Variants in MTOR observed in about 807,000 individuals in gnomAD.
MTOR encodes the protein mechanistic target of rapamycin kinase, also known as serine/threonine-protein kinase mTOR.
A neutral mutation model predicts 319.8 loss-of-function variants in MTOR; 70 were observed. The observed-to-expected ratio is 0.22, with a 90% CI of 0.18 to 0.27. MTOR has a LOEUF of 0.27. Ranked by LOEUF, MTOR falls within the 10% of genes least tolerant of loss-of-function variation. The pLI is 1.00. For synonymous variants in MTOR, 1,183 were observed against 1,211.4 expected (o/e 0.98, Z 0.49); for missense variants, 1,890 against 3,274.4 (o/e 0.58, Z 10.32).
At chr1:11,210,537 T>C (rs977930042) in intron 24 of MTOR, among the ~76,000 whole-genome samples, 11 of 152,210 alleles carry the variant, frequency 7.2e-5, no homozygotes, top group Admixed American at 3.9e-4. Context: ...TTGCAACACA[T>C]GAAAATTGAG....
At chr1:11,124,730 T>A in intron 46 of MTOR, 97 bp from the exon 47 acceptor site, 1 of 1,321,336 alleles carries the variant, frequency 7.6e-7, no homozygotes, top group Non-Finnish European at 1.0e-6. Flanking sequence ...AGACTACATA[T>A]GCCTTACCTA....
intron 19 of MTOR, among the ~76,000 whole-genome samples, chr1:11,217,498 T>C (rs1042386774): frequency 1.3e-5 from 2 of 151,712 alleles, no homozygotes; most frequent in African/African-American, 2.4e-5. Flanking sequence ...CCTCCCGGGT[T>C]CAAGCCATTC....
rs12141233 is a variant in MTOR, at chr1:11,133,344, A to C, written c.5247-147T>G. ...ATGTGAAGGAGCTAGCAAAATTTTC[A>C]GCCACACGCAAGAAAGGAGATGGGC... On this transcript the variant is annotated intron_variant, in intron 37 of 57. Coordinates refer to ENST00000361445, the MANE Select transcript of MTOR (RefSeq NM_004958.4). This position sits in a 1 kb window ranked among gnomAD's most constrained non-coding sequence, Gnocchi z 4.0. 31,478 of 670,416 alleles carry C rather than the reference A, an allele frequency of 0.047. 1,229 individuals carry two copies. The highest frequency in any genetic ancestry group is 0.11 in the South Asian group (6,210 of 55,102). The allele number at this position is 670,416 out of a possible 1,614,324, so 41.5% of individuals were successfully genotyped here. A position where few individuals can be genotyped will look rare whatever the true frequency, so the allele number is the denominator to read the frequency against.
chr1:11,236,087 A>C lies in MTOR; in HGVS notation c.2208+1756T>G, dbSNP rs578009303. 2.6e-5 allele frequency among the ~76,000 whole-genome samples: 4 copies of C among 151,784 alleles called. No homozygotes were observed. In the South Asian group the frequency reaches 8.4e-4, roughly 32 times the overall value. On this transcript the variant is annotated intron_variant, in intron 13 of 57. Coordinates refer to ENST00000361445, the MANE Select transcript of MTOR (RefSeq NM_004958.4). ...TAGCATGTGGTCAAAAAGTCTGCTGACAGAATGAACATATTGATATTCTCA... is the reference window on the plus strand; with the variant it reads ...TAGCATGTGGTCAAAAAGTCTGCTGCCAGAATGAACATATTGATATTCTCA...
chr1:11,245,125 T>C lies in MTOR; in HGVS notation c.1226-1825A>G, dbSNP rs559887902. ...ATTTAATAGAAGAAGATTTAGTCTATAATTTGGAAAGCCACATGTATATTT... is the reference window on the plus strand; with the variant it reads ...ATTTAATAGAAGAAGATTTAGTCTACAATTTGGAAAGCCACATGTATATTT... On this transcript the variant is annotated intron_variant, in intron 8 of 57. Coordinates refer to ENST00000361445, the MANE Select transcript of MTOR (RefSeq NM_004958.4). Among the ~76,000 whole-genome samples, 6 of 152,358 alleles carry C rather than the reference T, an allele frequency of 3.9e-5. No homozygotes were observed. In the South Asian group the frequency reaches 1.2e-3, roughly 32 times the overall value.
At chr1:11,243,359 ACAGT>A (rs1410316390) in intron 8 of MTOR, 59 bp from the exon 9 acceptor site, 2 of 1,500,064 alleles carry the variant, frequency 1.3e-6, no homozygotes, top group Admixed American at 2.0e-5. Flanking sequence ...CTACATATCA[ACAGT>A]CAAAGGTCCT....
intron 14 of MTOR, 53 bp from the exon 15 acceptor site, chr1:11,233,540 C>G: frequency 1.4e-6 from 2 of 1,411,168 alleles, no homozygotes; most frequent in Non-Finnish European, 2.0e-6. Flanking sequence ...TACTAGAAAC[C>G]TTTCTTTTAT....
chr1:11,192,205 T>C, intron 28 of MTOR: 1 of 1,228,180 alleles, frequency 8.1e-7, no homozygotes, highest in Middle Eastern at 2.2e-4. Flanking sequence ...GCTCAGTCTC[T>C]AAACACTCAA....
Position 11,112,837 on chromosome 1 carries a change from C to G in MTOR, c.7366+15G>C. The G allele has an allele frequency of 6.2e-7, 1 of 1,614,054 alleles. No homozygotes were observed. The highest frequency in any genetic ancestry group is 8.5e-7 in the Non-Finnish European group (1 of 1,179,976). Reference sequence around the variant, plus strand: ...AAGGGGGAGAGCCTTTGCGACCTCCCGTGGATGCACCTACCGACTGACTGG... The same window carrying G: ...AAGGGGGAGAGCCTTTGCGACCTCCGGTGGATGCACCTACCGACTGACTGG... On this transcript the variant is annotated intron_variant, in intron 54 of 57. Coordinates refer to ENST00000361445, the MANE Select transcript of MTOR (RefSeq NM_004958.4).
At position 11,128,842 on chromosome 1, in the gene MTOR, C is replaced by T. The variant is rs370120494; in HGVS notation, c.5811+13G>A. On this transcript the variant is annotated intron_variant, in intron 41 of 57. Coordinates refer to ENST00000361445, the MANE Select transcript of MTOR (RefSeq NM_004958.4). This position sits in a 1 kb window ranked among gnomAD's most constrained non-coding sequence, Gnocchi z 5.3. ...ACTTGGAGCCACCTTCACCTGTAAC[C>T]AAGTATCCTCACCTGTAGCCAGGTA... 4.2e-4 allele frequency: 670 copies of T among 1,608,870 alleles called. 10 individuals carry two copies. The South Asian group carries it at 6.1e-3, about 15-fold the overall frequency.
intron 28 of MTOR, chr1:11,195,726 G>T (rs140746133): frequency 6.6e-6 from 1 of 152,612 alleles, no homozygotes. Flanking sequence ...CATGGATGCC[G>T]GCACAAAACT....
intron 13 of MTOR, 107 bp downstream of exon 13, chr1:11,237,736 C>T: frequency 1.6e-6 from 2 of 1,246,754 alleles, no homozygotes; most frequent in Non-Finnish European, 1.1e-6. Flanking sequence ...TACCAGGTAC[C>T]TCAATCTTTC....
In MTOR at chr1:11,188,462, G is replaced by A. The variant is rs369069193; in HGVS notation, c.4253+10796C>T. Among the ~76,000 whole-genome samples the A allele has an allele frequency of 4.6e-5, 7 of 152,140 alleles. No individual in the cohort carries two copies. In the East Asian group the frequency reaches 1.2e-3, roughly 25 times the overall value. ...TGAGACTCTAGATATGGATTTATTA[G>A]GTGACAGGGATTCTTTTCTCTATAT... is the stretch of plus-strand genomic sequence containing the variant. On this transcript the variant is annotated intron_variant, in intron 28 of 57. Coordinates refer to ENST00000361445, the MANE Select transcript of MTOR (RefSeq NM_004958.4).
chr1:11,116,055 C>G (rs1642150578), intron 50 of MTOR, among the ~76,000 whole-genome samples: 1 of 152,150 alleles, frequency 6.6e-6, no homozygotes, highest in African/African-American at 2.4e-5. Flanking sequence ...TATTTTTACT[C>G]TCAAATAGTT....
intron 33 of MTOR, 82 bp from the exon 34 acceptor site, chr1:11,144,837 G>C (rs1288246608): frequency 2.0e-6 from 3 of 1,528,940 alleles, no homozygotes; most frequent in Non-Finnish European, 2.7e-6. Context: ...ATTCCTTCTG[G>C]TGTCAGGGTA....
chr1:11,251,034 C>A (rs1180227374), intron 6 of MTOR, among the ~76,000 whole-genome samples: 1 of 152,150 alleles, frequency 6.6e-6, no homozygotes, highest in Non-Finnish European at 1.5e-5. Flanking sequence ...AGTCCTTGAC[C>A]CTCTAACAAT....
At chr1:11,122,814 C>A (rs1450630555) in intron 47 of MTOR, among the ~76,000 whole-genome samples, 1 of 151,962 alleles carries the variant, frequency 6.6e-6, no homozygotes, top group Non-Finnish European at 1.5e-5. Flanking sequence ...GCGGCCCTGA[C>A]TATTTTTAAT....
rs1043505628 is a variant in MTOR at position 11,152,981 on chromosome 1, A to G, written c.4470-2755T>C. On this transcript the variant is annotated intron_variant, in intron 30 of 57. Transcript: ENST00000361445. ...AACGGGAAAGAACCCAAGAGGTCAG[A>G]GGTATTTGGGACTGAGAACGGCAAC... Among the ~76,000 whole-genome samples, 9 of 152,294 alleles carry G rather than the reference A, an allele frequency of 5.9e-5. No individual in the cohort carries two copies. In the East Asian group the frequency reaches 1.7e-3, roughly 29 times the overall value.
intron 26 of MTOR, among the ~76,000 whole-genome samples, chr1:11,200,426 A>T (rs1213785898): frequency 6.6e-6 from 1 of 152,180 alleles, no homozygotes; most frequent in African/African-American, 2.4e-5. Context: ...CATTTCAAAG[A>T]TTACTATGAC....
Sources: gnomAD v4.1 joint callset for allele counts (sites outside exome capture counted in the v4.1 genomes callset) on GRCh38, gnomAD v4.1.1 for gene constraint, Gnocchi (gnomAD v3.1) non-coding constraint, MANE v1.5 for transcripts, NCBI Gene and HGNC (gene_info 2026-07-23, HGNC 2026-07-21) for gene names.